Variants in DCAF12 observed in about 807,000 individuals in gnomAD.
DCAF12 encodes the protein DDB1- and CUL4-associated factor 12.
A neutral mutation model predicts 52.8 loss-of-function variants in DCAF12; 28 were observed. The observed-to-expected ratio is 0.53, with a 90% CI of 0.39 to 0.73. The LOEUF (loss-of-function observed/expected upper bound fraction) is 0.73, where lower values mean the gene tolerates loss of function less well. Among genes scored for constraint, DCAF12 ranks in the 30% least tolerant of loss-of-function variants. DCAF12 has a pLI of 0.00. For synonymous variants in DCAF12, 196 were observed against 215.5 expected (o/e 0.91, Z 0.79); for missense variants, 425 against 552.2 (o/e 0.77, Z 2.31).
intron 2 of DCAF12, among the ~76,000 whole-genome samples, chr9:34,122,473 ATTTTTTTTT>A (rs762013826): frequency 7.8e-6 from 1 of 127,684 alleles, no homozygotes; most frequent in South Asian, 2.5e-4. Context: ...ATTAGTATCA[ATTTTTTTTT>A]TTTTTTTTTT....
chr9:34,088,306 G>A lies in DCAF12; in HGVS notation c.*44C>T, dbSNP rs1182076208. 6.7e-7 allele frequency: 1 copy of A among 1,491,206 alleles called. No individual in the cohort carries two copies. Among genetic ancestry groups the A allele is most frequent in the Non-Finnish European group, 8.9e-7 (1 of 1,122,810 alleles). The allele number at this position is 1,491,206 out of a possible 1,614,324, so 92.4% of individuals were successfully genotyped here. A position where few individuals can be genotyped will look rare whatever the true frequency, so the allele number is the denominator to read the frequency against. ...AAAAATCAAAAGAAACAAGGAAACTGAGAATGGAAGTTAGTGTAAATCTCT... is the reference window on the plus strand; with the variant it reads ...AAAAATCAAAAGAAACAAGGAAACTAAGAATGGAAGTTAGTGTAAATCTCT... On this transcript the variant is annotated 3_prime_UTR_variant, in exon 9 of 9. Transcript: ENST00000361264.
Position 34,098,358 on chromosome 9 carries a change from T to C in DCAF12, c.761A>G (p.Lys254Arg), listed in dbSNP as rs1406391588. Residue 254 changes from lysine (K) to arginine (R), a missense_variant, in exon 5 of 9, where the codon AAG (lysine) becomes AGG (arginine). Around this residue, in one of 3 missense-constraint regions of DCAF12, gnomAD observed 328 missense variants for 444.4 expected, o/e 0.74. Transcript: ENST00000361264. Reference protein sequence around the residue: ...PKEDTNPDNCKVRALAFNNKN... With the variant: ...PKEDTNPDNCRVRALAFNNKN... ...GTTGTTGAAGGCCAGAGCCCGAACC[T>C]TGCAGTTGTCAGGGTTTGTGTCTTC... The C allele has an allele frequency of 6.2e-6, 10 of 1,614,140 alleles. No individual in the cohort carries two copies. The highest frequency in any genetic ancestry group is 1.7e-5 in the Admixed American group (1 of 60,000).
chr9:34,118,553 G>T (rs1829121518), intron 2 of DCAF12, among the ~76,000 whole-genome samples: 1 of 152,152 alleles, frequency 6.6e-6, no homozygotes, highest in Non-Finnish European at 1.5e-5. Flanking sequence ...CAGGTATAAG[G>T]CCTTCTACTC....
intron 1 of DCAF12, among the ~76,000 whole-genome samples, chr9:34,126,145 C>T (rs372747621): frequency 6.6e-6 from 1 of 152,240 alleles, no homozygotes; most frequent in East Asian, 1.9e-4. Flanking sequence ...TGTCCCATTC[C>T]TGAGTTCCCC....
Position 34,098,449 on chromosome 9 carries a change from G to C in DCAF12, c.670C>G (p.His224Asp), listed in dbSNP as rs1828774109. The change falls in exon 5 of 9, where the codon CAC becomes GAC. Residue 224 changes from histidine to aspartate, a missense_variant. His to Asp is a moderately conservative substitution (Grantham distance 81). Coordinates refer to ENST00000361264, the MANE Select transcript of DCAF12 (RefSeq NM_015397.4). ...TACACAGGGACCCGTGACACATTGT[G>C]TCTCGCATCACTTTTGGTCAAAACA... is the stretch of plus-strand genomic sequence containing the variant. ...DDVLTKSDAR[H>D]NVSRVPVYAH... The C allele has an allele frequency of 3.7e-6, 6 of 1,614,166 alleles. No homozygotes were observed. The highest frequency in any genetic ancestry group is 5.1e-6 in the Non-Finnish European group (6 of 1,180,034).
At chr9:34,111,711 T>A (rs78874271) in intron 2 of DCAF12, among the ~76,000 whole-genome samples, 87 of 152,232 alleles carry the variant, frequency 5.7e-4, no homozygotes, top group Non-Finnish European at 9.8e-4. Flanking sequence ...GGACAATCAG[T>A]CCAAAGGCTA....
chr9:34,100,848 A>C (rs1828817783), intron 4 of DCAF12, among the ~76,000 whole-genome samples: 1 of 151,766 alleles, frequency 6.6e-6, no homozygotes, highest in Non-Finnish European at 1.5e-5. Flanking sequence ...TTTGTTGCCA[A>C]GGCTAGTCTT....
In DCAF12 at chr9:34,086,714, C is replaced by T. The variant is rs1377032480; in HGVS notation, c.*1636G>A. The T allele has an allele frequency of 6.6e-6, 1 of 152,150 alleles. No homozygotes were observed. The highest frequency in any genetic ancestry group is 1.5e-5 in the Non-Finnish European group (1 of 68,040). 9.4% of individuals were successfully genotyped at this position (152,150 alleles called of 1,614,324 possible). On this transcript the variant is annotated 3_prime_UTR_variant, in exon 9 of 9. Coordinates refer to ENST00000361264, the MANE Select transcript of DCAF12 (RefSeq NM_015397.4). The stretch of plus-strand genomic sequence containing the variant: ...AGGTTCGAAGATGAGAATTCCAGAA[C>T]CTGTGGTATGTGCTGTGTAACAAGT...
chr9:34,088,625 AC>A, intron 8 of DCAF12, 117 bp from the exon 9 acceptor site: 2 of 1,141,028 alleles, frequency 1.8e-6, no homozygotes, highest in Non-Finnish European at 1.3e-6. Flanking sequence ...TACAGGTACA[AC>A]CTCATGTCAG....
chr9:34,089,992 T>C (rs1828619521), intron 7 of DCAF12: 1 of 159,984 alleles, frequency 6.3e-6, no homozygotes, highest in Non-Finnish European at 1.4e-5. Context: ...GTAATCTGCA[T>C]ATTTATAAAT....
chr9:34,126,471 G>C lies in DCAF12; in HGVS notation c.-40C>G. The C allele has an allele frequency of 6.3e-7, 1 of 1,590,888 alleles. No individual in the cohort carries two copies. The highest frequency in any genetic ancestry group is 1.7e-5 in the Admixed American group (1 of 58,358). On this transcript the variant is annotated 5_prime_UTR_variant, in exon 1 of 9. Transcript: ENST00000361264. ...CCGCGGCCCCGCAGCCACATGGGGC[G>C]GGGGAAGCGAAGGATAGCAGGACGG...
rs1042259481 is a variant in DCAF12 at position 34,121,110 on chromosome 9, T to C, written c.333+3913A>G. Reference sequence around the variant, plus strand: ...CGGAGGTTGCAGTGAGCCAAGATCATGCCACTGTACTCCAGCCTGAGCAAC... The same window carrying C: ...CGGAGGTTGCAGTGAGCCAAGATCACGCCACTGTACTCCAGCCTGAGCAAC... On this transcript the variant is annotated intron_variant, in intron 2 of 8. Coordinates refer to ENST00000361264, the MANE Select transcript of DCAF12 (RefSeq NM_015397.4). Among the ~76,000 whole-genome samples the C allele has an allele frequency of 3.1e-4, 47 of 152,054 alleles. 1 individual carries two copies. The highest frequency in any genetic ancestry group is 3.2e-3 in the Middle Eastern group (1 of 316).
At chr9:34,111,406 T>C (rs1351222532) in intron 2 of DCAF12, among the ~76,000 whole-genome samples, 3 of 152,228 alleles carry the variant, frequency 2.0e-5, no homozygotes, top group Non-Finnish European at 4.4e-5. Flanking sequence ...GCTCCCAAGA[T>C]ATCCCTCTAC....
chr9:34,106,531 A>G lies in DCAF12; in HGVS notation c.541-37T>C, dbSNP rs767388718. ...GGGAGTAACAGGTACAGGGAGGAAA[A>G]TAAGAAATTAGTAAAATAAGGATTG... On this transcript the variant is annotated intron_variant, in intron 3 of 8. Coordinates refer to ENST00000361264, the MANE Select transcript of DCAF12 (RefSeq NM_015397.4). 3.3e-6 allele frequency: 5 copies of G among 1,524,664 alleles called. No individual in the cohort carries two copies. The East Asian group carries it at 1.1e-4, about 35-fold the overall frequency. The allele number at this position is 1,524,664 out of a possible 1,614,324, so 94.4% of individuals were successfully genotyped here.
intron 2 of DCAF12, among the ~76,000 whole-genome samples, chr9:34,112,417 G>A (rs188025490): frequency 1.9e-4 from 29 of 151,840 alleles, no homozygotes; most frequent in Non-Finnish European, 2.2e-4. Context: ...CCAACATGAC[G>A]AAACCATCTC....
At chr9:34,092,694 AAAC>A (rs1316611662) in intron 7 of DCAF12, among the ~76,000 whole-genome samples, 22 of 151,514 alleles carry the variant, frequency 1.5e-4, no homozygotes, top group African/African-American at 3.6e-4. Context: ...CAAAAAAAAA[AAAC>A]AACAACAACA....
chr9:34,088,431 G>A lies in DCAF12; in HGVS notation c.1281C>T (p.Asp427=), dbSNP rs139868448. The A allele has an allele frequency of 2.5e-6, 4 of 1,614,174 alleles. No homozygotes were observed. The highest frequency in any genetic ancestry group is 3.4e-6 in the Non-Finnish European group (4 of 1,180,010). Reference sequence around the variant, plus strand: ...CCACAAAGAGTTTCGTTCCAGACGAGTCGTAGCAGTGGGTGTAAACAGCAT... The same window carrying A: ...CCACAAAGAGTTTCGTTCCAGACGAATCGTAGCAGTGGGTGTAAACAGCAT... ...FPNAVYTHCY[D]SSGTKLFVAG... The change falls in exon 9 of 9, where the codon GAC becomes GAT. Residue 427 remains aspartate (D), a synonymous_variant. Transcript: ENST00000361264.
intron 2 of DCAF12, among the ~76,000 whole-genome samples, chr9:34,119,007 C>T (rs530447291): frequency 1.3e-5 from 2 of 152,160 alleles, no homozygotes; most frequent in East Asian, 3.9e-4. Flanking sequence ...TCTTATCTCA[C>T]ACTTACTTCC....
chr9:34,103,740 A>T (rs1828864984), intron 4 of DCAF12, among the ~76,000 whole-genome samples: 1 of 152,018 alleles, frequency 6.6e-6, no homozygotes, highest in Non-Finnish European at 1.5e-5. Flanking sequence ...CTGTAGTCCC[A>T]GCTACTTGAG....
Sources: gnomAD v4.1 joint callset for allele counts (sites outside exome capture counted in the v4.1 genomes callset) on GRCh38, gnomAD v4.1.1 for gene constraint, gnomAD v4.1.1 regional missense constraint, MANE v1.5 for transcripts, NCBI Gene and HGNC (gene_info 2026-07-23, HGNC 2026-07-21) for gene names.